Variants in NUDT9 observed in about 807,000 individuals in gnomAD.
NUDT9 encodes the protein ADP-ribose pyrophosphatase.
NUDT9 carries 31 observed loss-of-function variants against 41.0 expected under a neutral mutation model. The observed-to-expected ratio is 0.76, with a 90% CI of 0.57 to 1.02. The LOEUF is 1.02. Ranked by LOEUF, NUDT9 falls within the 50% of genes least tolerant of loss-of-function variation. The pLI is 0.00. For synonymous variants in NUDT9, 146 were observed against 147.6 expected (o/e 0.99, Z 0.08); for missense variants, 380 against 431.4 (o/e 0.88, Z 1.06).
At position 87,422,768 on chromosome 4, in the gene NUDT9, C is replaced by T; in HGVS notation, c.-138C>T. ...GATTTATAGATAGGCACAGCTACTC[C>T]CGTTCGGGAACCCAACGGCAGACAG... On this transcript the variant is annotated 5_prime_UTR_variant, in exon 1 of 8. Transcript: ENST00000302174. 4.5e-6 allele frequency: 2 copies of T among 440,254 alleles called. No homozygotes were observed. Among genetic ancestry groups the T allele is most frequent in the Non-Finnish European group, 3.9e-6 (1 of 255,016 alleles). The allele number at this position is 440,254 out of a possible 1,614,324, so 27.3% of individuals were successfully genotyped here. A position where few individuals can be genotyped will look rare whatever the true frequency, so the allele number is the denominator to read the frequency against.
At position 87,425,387 on chromosome 4, in the gene NUDT9, T is replaced by C. The variant is rs1046048020; in HGVS notation, c.107+2375T>C. ...AGCAAGACCGTGTCCCTAGTGTTCT[T>C]TTCCTTTTTTTTTTTTTTTTTTTTG... On this transcript the variant is annotated intron_variant, in intron 1 of 7. Transcript: ENST00000302174. Among the ~76,000 whole-genome samples the C allele has an allele frequency of 3.5e-5, 5 of 142,012 alleles. No individual in the cohort carries two copies. In the East Asian group the frequency reaches 1.0e-3, roughly 29 times the overall value. 93.2% of individuals were successfully genotyped at this position (142,012 alleles called of 152,430 possible). A position where few individuals can be genotyped will look rare whatever the true frequency, so the allele number is the denominator to read the frequency against.
chr4:87,436,597 C>T (rs535162772), intron 2 of NUDT9, among the ~76,000 whole-genome samples: 16 of 152,258 alleles, frequency 1.1e-4, no homozygotes, highest in African/African-American at 3.9e-4. Flanking sequence ...AGGCATGAGC[C>T]GGCACGCCTG....
chr4:87,444,121 T>C (rs2110179037), intron 4 of NUDT9, among the ~76,000 whole-genome samples: 1 of 152,296 alleles, frequency 6.6e-6, no homozygotes, highest in Admixed American at 6.5e-5. Flanking sequence ...TTTTAGAATT[T>C]CTTTGCTGAC....
At chr4:87,442,273 A>C (rs911852268) in intron 4 of NUDT9, among the ~76,000 whole-genome samples, 1 of 152,234 alleles carries the variant, frequency 6.6e-6, no homozygotes, top group Admixed American at 6.5e-5. Context: ...CAACTGTAAC[A>C]CAATTGTAAG....
At chr4:87,456,028 C>T (rs574846360) in intron 7 of NUDT9, among the ~76,000 whole-genome samples, 2 of 152,118 alleles carry the variant, frequency 1.3e-5, no homozygotes, top group South Asian at 2.1e-4. Flanking sequence ...AGTTCTTTAG[C>T]GTGAGGTTTT....
At chr4:87,441,997 A>G (rs956950325) in intron 4 of NUDT9, 82 bp downstream of exon 4, 5 of 895,754 alleles carry the variant, frequency 5.6e-6, no homozygotes, top group African/African-American at 5.0e-5. Context: ...TTGTGTATAT[A>G]TGTATACCTG....
At chr4:87,448,939 A>C (rs1722590424) in intron 4 of NUDT9, among the ~76,000 whole-genome samples, 1 of 152,200 alleles carries the variant, frequency 6.6e-6, no homozygotes, top group Non-Finnish European at 1.5e-5. Flanking sequence ...TATGTAATGT[A>C]GACATTTGTC....
chr4:87,443,116 G>A (rs74715582), intron 4 of NUDT9, among the ~76,000 whole-genome samples: 3,391 of 152,194 alleles, frequency 0.022, 137 homozygotes, highest in African/African-American at 0.077. Context: ...GTAATGCATT[G>A]GGTGAGGATA....
At chr4:87,446,298 G>T (rs1345245232) in intron 4 of NUDT9, among the ~76,000 whole-genome samples, 3 of 145,770 alleles carry the variant, frequency 2.1e-5, no homozygotes, top group African/African-American at 7.7e-5. Flanking sequence ...GCCCAGGCTG[G>T]AGTGTAGTGG....
At chr4:87,454,614 G>T (rs1295242455) in intron 7 of NUDT9, among the ~76,000 whole-genome samples, 159 bp downstream of exon 7, 1 of 152,142 alleles carries the variant, frequency 6.6e-6, no homozygotes, top group African/African-American at 2.4e-5. Flanking sequence ...GGTATTAAAG[G>T]AATACATAGA....
At chr4:87,434,848 A>G (rs984746400) in intron 1 of NUDT9, 133 bp from the exon 2 acceptor site, 3 of 699,224 alleles carry the variant, frequency 4.3e-6, no homozygotes, top group Non-Finnish European at 2.3e-6. Context: ...TGAACCCCTA[A>G]CCTCAGGTGA....
chr4:87,448,764 G>A (rs1453531160), intron 4 of NUDT9, among the ~76,000 whole-genome samples: 1 of 152,064 alleles, frequency 6.6e-6, no homozygotes, highest in African/African-American at 2.4e-5. Flanking sequence ...ACTGCGCCTG[G>A]CAACTACCAG....
intron 6 of NUDT9, among the ~76,000 whole-genome samples, chr4:87,452,127 G>C (rs1195763807): frequency 1.3e-5 from 2 of 151,540 alleles, no homozygotes; most frequent in African/African-American, 4.8e-5. Flanking sequence ...CTCAGCCTCT[G>C]GAGTAGCTGG....
At chr4:87,424,619 C>A (rs551551212) in intron 1 of NUDT9, among the ~76,000 whole-genome samples, 72 of 152,328 alleles carry the variant, frequency 4.7e-4, no homozygotes, top group African/African-American at 1.6e-3. Context: ...AATATTCCAA[C>A]AACTTTTCAT....
At chr4:87,432,914 G>A (rs1004218236) in intron 1 of NUDT9, among the ~76,000 whole-genome samples, 3 of 151,884 alleles carry the variant, frequency 2.0e-5, no homozygotes, top group Non-Finnish European at 4.4e-5. Flanking sequence ...TTATTATTTT[G>A]TTGAGGATTT....
chr4:87,423,124 T>C (rs1721225788), intron 1 of NUDT9, 112 bp downstream of exon 1: 9 of 668,034 alleles, frequency 1.3e-5, no homozygotes, highest in Middle Eastern at 5.2e-4. Context: ...CTCGGGTTTT[T>C]ATAGTCATAT....
chr4:87,430,035 T>C, intron 1 of NUDT9, among the ~76,000 whole-genome samples: 1 of 152,126 alleles, frequency 6.6e-6, no homozygotes, highest in East Asian at 1.9e-4. Flanking sequence ...TTAAGGACTT[T>C]GAGATGGGGA....
At chr4:87,423,862 G>GC (rs1371884834) in intron 1 of NUDT9, among the ~76,000 whole-genome samples, 10 of 152,154 alleles carry the variant, frequency 6.6e-5, no homozygotes, top group African/African-American at 2.4e-4. Flanking sequence ...TCAGTTGAGG[G>GC]CATGTGAGCA....
intron 2 of NUDT9, 122 bp from the exon 3 acceptor site, chr4:87,438,150 AAAACT>A (rs995566105): frequency 8.2e-6 from 4 of 490,416 alleles, no homozygotes; most frequent in African/African-American, 7.8e-5. Context: ...AAAAAAAAAA[AAAACT>A]AACCCTTAAA....
Sources: allele counts gnomAD v4.1 joint callset (sites outside exome capture counted in the v4.1 genomes callset), GRCh38; gene constraint gnomAD v4.1.1; transcripts MANE v1.5; gene names NCBI Gene and HGNC (gene_info 2026-07-23, HGNC 2026-07-21).